KCNJ15: variants seen among roughly 807,000 people sequenced by gnomAD.
The protein encoded by KCNJ15 is potassium inwardly rectifying channel subfamily J member 15.
Under a neutral mutation model 23.0 loss-of-function variants are expected in KCNJ15, and 14 were observed. That is an observed-to-expected ratio of 0.61 (90% confidence interval 0.40 to 0.95). The LOEUF is 0.95. Among genes scored for constraint, KCNJ15 ranks in the 40% least tolerant of loss-of-function variants. KCNJ15 has a pLI of 0.00. For missense variants in KCNJ15, 388 were observed against 461.8 expected, an observed-to-expected ratio of 0.84 and a Z score of 1.46; for synonymous variants, 185 against 183.2, an observed-to-expected ratio of 1.01 and a Z score of -0.08.
chr21:38,273,810 C>A (rs1378596460), intron 1 of KCNJ15, among the ~76,000 whole-genome samples: 2 of 152,180 alleles, frequency 1.3e-5, no homozygotes, highest in African/African-American at 4.8e-5. Flanking sequence ...CACCATTGAC[C>A]ATGCTGGAAG....
intron 1 of KCNJ15, among the ~76,000 whole-genome samples, chr21:38,292,968 CAAA>C (rs540116040): frequency 2.3e-4 from 19 of 82,918 alleles, no homozygotes; most frequent in Admixed American, 4.4e-4. Context: ...GATGCTGTCT[CAAA>C]AAAAAAAAAA....
chr21:38,265,941 C>A (rs2836261), intron 1 of KCNJ15, among the ~76,000 whole-genome samples: 7,072 of 152,104 alleles, frequency 0.046, 539 homozygotes, highest in African/African-American at 0.16. Flanking sequence ...AGGGTCAGGA[C>A]GGGGAGAAGC....
chr21:38,291,127 G>C (rs184744682), intron 1 of KCNJ15, among the ~76,000 whole-genome samples: 1 of 152,214 alleles, frequency 6.6e-6, no homozygotes, highest in East Asian at 1.9e-4. Context: ...GAAAACAATG[G>C]GGTGTCTGGG....
chr21:38,284,076 A>G (rs552896657), intron 1 of KCNJ15, among the ~76,000 whole-genome samples: 2 of 152,140 alleles, frequency 1.3e-5, no homozygotes, highest in African/African-American at 4.8e-5. Flanking sequence ...GTTGAAGGCC[A>G]GGCCCATCTG....
chr21:38,238,234 T>G, intron 1 of KCNJ15: 2 of 585,516 alleles, frequency 3.4e-6, no homozygotes, highest in Non-Finnish European at 6.6e-6. Context: ...CAGTCACGGA[T>G]GTAGCAGTTT....
intron 1 of KCNJ15, among the ~76,000 whole-genome samples, chr21:38,280,255 T>A (rs1016240297): frequency 5.9e-5 from 9 of 152,210 alleles, no homozygotes; most frequent in Middle Eastern, 3.2e-3. Context: ...TTGCAGCCAC[T>A]GTTGCACAGT....
At chr21:38,262,968 G>A (rs536871193) in intron 1 of KCNJ15, among the ~76,000 whole-genome samples, 3 of 152,252 alleles carry the variant, frequency 2.0e-5, no homozygotes, top group Admixed American at 6.5e-5. Context: ...CTGAGCTACC[G>A]TGCCTGGCCG....
chr21:38,296,255 A>G (rs977204980), intron 1 of KCNJ15, among the ~76,000 whole-genome samples: 1 of 149,826 alleles, frequency 6.7e-6, no homozygotes, highest in Non-Finnish European at 1.5e-5. Flanking sequence ...TAGATTAGAG[A>G]GATAATTGAT....
chr21:38,249,945 C>T lies in KCNJ15; in HGVS notation c.-398-7101C>T, dbSNP rs558257570. 2.6e-5 allele frequency among the ~76,000 whole-genome samples: 4 copies of T among 152,188 alleles called. No homozygotes were observed. The South Asian group carries it at 8.3e-4, about 32-fold the overall frequency. On this transcript the variant is annotated intron_variant, in intron 1 of 4. Coordinates refer to the KCNJ15 transcript ENST00000547341. Reference sequence around the variant, plus strand: ...CTAGGAAATGTTTGCTGAATTAGCCCCTGTGCATTGCTAGGGCTGATAAGG... The same window carrying T: ...CTAGGAAATGTTTGCTGAATTAGCCTCTGTGCATTGCTAGGGCTGATAAGG...
chr21:38,296,420 C>A (rs191410127), intron 1 of KCNJ15: 1 of 152,266 alleles, frequency 6.6e-6, no homozygotes, highest in African/African-American at 2.4e-5. Context: ...TGACAGGAAC[C>A]CTGGGCTAGC....
intron 1 of KCNJ15, among the ~76,000 whole-genome samples, chr21:38,250,347 T>G (rs1336474389): frequency 6.6e-6 from 1 of 152,084 alleles, no homozygotes; most frequent in African/African-American, 2.4e-5. Flanking sequence ...CTGTATGGAT[T>G]GATAGGGAGG....
intron 2 of KCNJ15, among the ~76,000 whole-genome samples, chr21:38,297,548 G>T (rs1028761169): frequency 6.6e-6 from 1 of 152,004 alleles, no homozygotes; most frequent in African/African-American, 2.4e-5. Flanking sequence ...TGTCTCTGCT[G>T]GTGCTCATGT....
At chr21:38,265,205 A>C (rs1449977466) in intron 1 of KCNJ15, among the ~76,000 whole-genome samples, 1 of 152,176 alleles carries the variant, frequency 6.6e-6, no homozygotes, top group African/African-American at 2.4e-5. Context: ...ATTGAAGAGA[A>C]TTTTCTAACA....
At chr21:38,252,701 T>C (rs1979919325), upstream of KCNJ15, among the ~76,000 whole-genome samples, 1 of 152,124 alleles carries the variant, frequency 6.6e-6, no homozygotes, top group Non-Finnish European at 1.5e-5. Context: ...TGGAGGAGGA[T>C]GGGAATATTG....
At chr21:38,264,383 T>C (rs150039140) in intron 1 of KCNJ15, among the ~76,000 whole-genome samples, 1 of 152,338 alleles carries the variant, frequency 6.6e-6, no homozygotes, top group African/African-American at 2.4e-5. Context: ...TCCCTCCCCA[T>C]TCCCGGAGAT....
intron 1 of KCNJ15, chr21:38,296,582 A>G (rs944366301): frequency 6.6e-6 from 1 of 152,666 alleles, no homozygotes; most frequent in African/African-American, 2.4e-5. Flanking sequence ...CTTCCCTTCC[A>G]GCGCTCACTG....
chr21:38,291,348 C>T (rs1984594000), intron 1 of KCNJ15, among the ~76,000 whole-genome samples: 1 of 152,188 alleles, frequency 6.6e-6, no homozygotes, highest in South Asian at 2.1e-4. Context: ...TAATGATACC[C>T]ATTATCCAAG....
intron 1 of KCNJ15, among the ~76,000 whole-genome samples, chr21:38,245,107 G>A (rs1979271209): frequency 6.6e-6 from 1 of 151,916 alleles, no homozygotes; most frequent in African/African-American, 2.4e-5. Context: ...TCATCACAGG[G>A]TCTACAAACA....
At position 38,299,723 on chromosome 21, in the gene KCNJ15, CTTGA is replaced by C; in HGVS notation, c.467_470del (p.Ile156ArgfsTer40). On this transcript the variant is annotated frameshift_variant, in exon 3 of 3. Transcript: ENST00000398938. LOFTEE classifies it high-confidence loss of function. The surrounding 1 kb of genome is among the most constrained non-coding windows in gnomAD (Gnocchi z 4.5). Reference sequence around the variant, plus strand: ...TGGTTGCTCAGTTGGTCATCACGACCTTGATTGAGATCTTCATCACCGGAACCTT... The same window carrying C: ...TGGTTGCTCAGTTGGTCATCACGACCTTGAGATCTTCATCACCGGAACCTT... 1.2e-6 allele frequency: 2 copies of C among 1,614,158 alleles called. No individual in the cohort carries two copies. The highest frequency in any genetic ancestry group is 2.2e-5 in the South Asian group (2 of 91,086).
Sources: allele counts gnomAD v4.1 joint callset (sites outside exome capture counted in the v4.1 genomes callset), GRCh38; gene constraint gnomAD v4.1.1; non-coding constraint Gnocchi (gnomAD v3.1); transcripts MANE v1.5; gene names NCBI Gene and HGNC (gene_info 2026-07-23, HGNC 2026-07-21).